LPIN3: variants seen among roughly 807,000 people sequenced by gnomAD.
LPIN3 encodes the protein lipin 3, also known as phosphatidate phosphatase LPIN3.
A neutral mutation model predicts 94.7 loss-of-function variants in LPIN3; 82 were observed. That is an observed-to-expected ratio of 0.87 (90% CI 0.72 to 1.04). The LOEUF is 1.04. LPIN3 is among the 50% of genes least tolerant of loss of function. The pLI, the probability that LPIN3 is intolerant of heterozygous loss-of-function variation, is 0.00. For missense variants in LPIN3, 996 were observed against 1,090.5 expected (o/e 0.91, Z 1.22); for synonymous variants, 418 against 443.3 (o/e 0.94, Z 0.72).
At chr20:41,345,336 T>C (rs146598417) in intron 1 of LPIN3, among the ~76,000 whole-genome samples, 1,616 of 152,290 alleles carry the variant, frequency 0.011, 16 homozygotes, top group Middle Eastern at 0.051. Context: ...TCCTTCATAG[T>C]TATGAGGCTC....
intron 1 of LPIN3, among the ~76,000 whole-genome samples, chr20:41,342,485 G>A (rs2045618411): frequency 6.6e-6 from 1 of 152,280 alleles, no homozygotes; most frequent in Admixed American, 6.5e-5. Context: ...GAGTGAAGTG[G>A]CTGATTTTAG....
chr20:41,349,038 C>A (rs929632155), intron 4 of LPIN3, 54 bp from the exon 5 acceptor site: 8 of 1,602,520 alleles, frequency 5.0e-6, no homozygotes. Flanking sequence ...GCTCTCATGC[C>A]TGCCTGGGGC....
chr20:41,344,000 C>T (rs572874251), intron 1 of LPIN3, among the ~76,000 whole-genome samples: 6 of 151,602 alleles, frequency 4.0e-5, no homozygotes, highest in Non-Finnish European at 7.4e-5. Flanking sequence ...AGGTTGAGGC[C>T]GCAGTGAGTC....
At chr20:41,342,142 A>G (rs1382950823) in intron 1 of LPIN3, among the ~76,000 whole-genome samples, 1 of 152,122 alleles carries the variant, frequency 6.6e-6, no homozygotes, top group Non-Finnish European at 1.5e-5. Context: ...CCAGGGCTTT[A>G]CACAAAGTCA....
At position 41,352,111 on chromosome 20, in the gene LPIN3, C is replaced by T. The variant is rs866780035; in HGVS notation, c.1254C>T (p.Ser418=). ...GGAGTGAACCCAGCAGTCAGAAGTC[C>T]CTGAGGGACCCCAACCCTGAACATG... ...RRWSEPSSQK[S]LRDPNPEHEP... is the part of the protein sequence containing the mutation. Residue 418 remains serine, a synonymous_variant, in exon 9 of 20, where the codon TCC becomes TCT. Coordinates refer to ENST00000373257, the MANE Select transcript of LPIN3 (RefSeq NM_022896.3). 1.2e-6 allele frequency: 2 copies of T among 1,614,240 alleles called. No homozygotes were observed. Among genetic ancestry groups the T allele is most frequent in the Non-Finnish European group, 1.7e-6 (2 of 1,180,046 alleles).
intron 18 of LPIN3, 42 bp from the exon 19 acceptor site, chr20:41,358,397 C>T: frequency 6.2e-7 from 1 of 1,613,252 alleles, no homozygotes; most frequent in Non-Finnish European, 8.5e-7. Flanking sequence ...TCCCCAGCTG[C>T]CTGCAGGCCT....
Position 41,350,412 on chromosome 20 carries a change from G to A in LPIN3, c.1102+15G>A. 2 of 1,538,288 alleles carry A rather than the reference G, an allele frequency of 1.3e-6. No homozygotes were observed. The highest frequency in any genetic ancestry group is 1.8e-6 in the Non-Finnish European group (2 of 1,138,966). On this transcript the variant is annotated intron_variant, in intron 7 of 19. Coordinates refer to ENST00000373257, the MANE Select transcript of LPIN3 (RefSeq NM_022896.3). ...CAGGGGGAAAGGTGAGTGACGCTGG[G>A]TCTCTCCCACTGCCTCCCTGGCCTC... is the stretch of plus-strand genomic sequence containing the variant.
intron 11 of LPIN3, among the ~76,000 whole-genome samples, chr20:41,353,092 C>G (rs1484349435): frequency 6.6e-6 from 1 of 152,226 alleles, no homozygotes; most frequent in Non-Finnish European, 1.5e-5. Flanking sequence ...TTAAACTTGA[C>G]TTCAGAGGAG....
At chr20:41,347,750 G>A in intron 3 of LPIN3, 103 bp downstream of exon 3, 1 of 1,006,170 alleles carries the variant, frequency 9.9e-7, no homozygotes, top group Non-Finnish European at 1.5e-6. Flanking sequence ...TTCCCCGGGA[G>A]CACCCCACCA....
Position 41,358,805 on chromosome 20 carries a change from A to G in LPIN3, c.2495A>G (p.Tyr832Cys), listed in dbSNP as rs771641416. Reference sequence around the variant, plus strand: ...AGCACAGACCTGGCCAACCCTGAATACAGTAACTTCTGCTACTGGCGGGAG... The same window carrying G: ...AGCACAGACCTGGCCAACCCTGAATGCAGTAACTTCTGCTACTGGCGGGAG... ...GPSTDLANPE[Y>C]SNFCYWREPL... Residue 832 changes from tyrosine (Y) to cysteine (C), a missense_variant, in exon 20 of 20, where the codon TAC becomes TGC. Physicochemically the swap from Tyr to Cys is radical, Grantham distance 194. Coordinates refer to ENST00000373257, the MANE Select transcript of LPIN3 (RefSeq NM_022896.3). 1.9e-6 allele frequency: 3 copies of G among 1,613,806 alleles called. No individual in the cohort carries two copies. The highest frequency in any genetic ancestry group is 2.5e-6 in the Non-Finnish European group (3 of 1,179,978).
Position 41,352,134 on chromosome 20 carries a change from A to G in LPIN3, c.1277A>G (p.His426Arg). The G allele has an allele frequency of 1.2e-6, 2 of 1,614,224 alleles. No individual in the cohort carries two copies. The highest frequency in any genetic ancestry group is 1.1e-5 in the South Asian group (1 of 91,086). ...TCCCTGAGGGACCCCAACCCTGAAC[A>G]TGAACCTGAACCCACTCTGGACACA... ...QKSLRDPNPE[H>R]EPEPTLDTVD... The change falls in exon 9 of 20, where the codon CAT (histidine) becomes CGT (arginine). Residue 426 changes from histidine (H) to arginine (R), a missense_variant. By Grantham distance (29) the His-to-Arg change is conservative. Transcript: ENST00000373257.
rs370802047 is a variant in LPIN3, at chr20:41,352,752, C to T, written c.1458-46C>T. 1.9e-6 allele frequency: 3 copies of T among 1,612,396 alleles called. No homozygotes were observed. In the African/African-American group the frequency reaches 4.0e-5, roughly 22 times the overall value. Reference sequence around the variant, plus strand: ...AGCCGGAGAGTCATTTCCCTCTTCACAACCCTGCAGCTGCTGCAGCTTGAT... The same window carrying T: ...AGCCGGAGAGTCATTTCCCTCTTCATAACCCTGCAGCTGCTGCAGCTTGAT... On this transcript the variant is annotated intron_variant, in intron 10 of 19. Transcript: ENST00000373257.
At chr20:41,352,293 T>G in intron 9 of LPIN3, 73 bp downstream of exon 9, 1 of 1,552,528 alleles carries the variant, frequency 6.4e-7, no homozygotes, top group African/African-American at 1.4e-5. Flanking sequence ...CAGGGAAGAC[T>G]GTGAGGGTGG....
In LPIN3 at chr20:41,358,980, A is replaced by AGG; in HGVS notation, c.*115_*116dup. 1 of 1,345,656 alleles carries AGG rather than the reference A, an allele frequency of 7.4e-7. No individual in the cohort carries two copies. Among genetic ancestry groups the AGG allele is most frequent in the Non-Finnish European group, 1.0e-6 (1 of 987,172 alleles). The allele number at this position is 1,345,656 out of a possible 1,614,324, so 83.4% of individuals were successfully genotyped here. A position where few individuals can be genotyped will look rare whatever the true frequency, so the allele number is the denominator to read the frequency against. On this transcript the variant is annotated 3_prime_UTR_variant, in exon 20 of 20. Coordinates refer to ENST00000373257, the MANE Select transcript of LPIN3 (RefSeq NM_022896.3). Reference sequence around the variant, plus strand: ...GGGGCAAACCCACTGAAGGGGAAGGAGGAGGCTGCAGGTTGGTTGGCAGCT... The same window carrying AGG: ...GGGGCAAACCCACTGAAGGGGAAGGAGGGGAGGCTGCAGGTTGGTTGGCAGCT...
chr20:41,347,758 C>A, intron 3 of LPIN3, 111 bp downstream of exon 3: 1 of 906,120 alleles, frequency 1.1e-6, no homozygotes, highest in Non-Finnish European at 1.7e-6. Flanking sequence ...GAGCACCCCA[C>A]CAGCAGAGGT....
rs558815266 is a variant in LPIN3, at chr20:41,353,439, C to T, written c.1527+572C>T. ...TCATCCAGATGAATATAATTCAGTC[C>T]TGAGCACTGGGAAGGATGGGTGTGC... is the stretch of plus-strand genomic sequence containing the variant. On this transcript the variant is annotated intron_variant, in intron 11 of 19. Transcript: ENST00000373257. Among the ~76,000 whole-genome samples, 13 of 152,320 alleles carry T rather than the reference C, an allele frequency of 8.5e-5. No individual in the cohort carries two copies. In the South Asian group the frequency reaches 2.5e-3, roughly 29 times the overall value.
chr20:41,345,746 T>C lies in LPIN3; in HGVS notation c.-8-50T>C, dbSNP rs374898021. 2.4e-5 allele frequency: 37 copies of C among 1,545,982 alleles called. 1 individual carries two copies. The Admixed American group carries it at 2.4e-4, about 10-fold the overall frequency. ...GTGGTCAGGCTGCAGGAGCTTCTTGTGGAGGAGCTGGAGCAGACCTTTGTG... is the reference window on the plus strand; with the variant it reads ...GTGGTCAGGCTGCAGGAGCTTCTTGCGGAGGAGCTGGAGCAGACCTTTGTG... On this transcript the variant is annotated intron_variant, in intron 1 of 19. Coordinates refer to ENST00000373257, the MANE Select transcript of LPIN3 (RefSeq NM_022896.3).
At chr20:41,350,909 TG>T (rs1166962016) in intron 7 of LPIN3, among the ~76,000 whole-genome samples, 1 of 152,166 alleles carries the variant, frequency 6.6e-6, no homozygotes, top group Non-Finnish European at 1.5e-5. Flanking sequence ...GCACGAGACC[TG>T]TGCTGTCCAA....
intron 13 of LPIN3, 21 bp from the exon 14 acceptor site, chr20:41,355,875 G>C: frequency 1.2e-6 from 2 of 1,613,006 alleles, no homozygotes; most frequent in Non-Finnish European, 1.7e-6. Flanking sequence ...GAGATGGCCT[G>C]AGAGCCAGTG....
Sources: allele counts gnomAD v4.1 joint callset (sites outside exome capture counted in the v4.1 genomes callset), GRCh38; gene constraint gnomAD v4.1.1; transcripts MANE v1.5; gene names NCBI Gene and HGNC (gene_info 2026-07-23, HGNC 2026-07-21).